LMLN: variants seen among roughly 807,000 people sequenced by gnomAD.
LMLN encodes leishmanolysin-like peptidase.
LMLN carries 70 observed loss-of-function variants against 92.3 expected under a neutral mutation model. That is an observed-to-expected ratio of 0.76 (90% confidence interval 0.63 to 0.92). The LOEUF is 0.92. LMLN is among the 40% of genes least tolerant of loss of function. The probability of loss-of-function intolerance (pLI) is 0.00; values close to 1 mark genes in which losing one functional copy is unlikely to be tolerated. For synonymous variants in LMLN, 308 were observed against 296.2 expected, an observed-to-expected ratio of 1.04 and a Z score of -0.41; for missense variants, 691 against 814.6, an observed-to-expected ratio of 0.85 and a Z score of 1.85.
chr3:198,034,826 T>A (rs1354853946), intron 14 of LMLN, among the ~76,000 whole-genome samples: 1 of 152,190 alleles, frequency 6.6e-6, no homozygotes, highest in Non-Finnish European at 1.5e-5. Flanking sequence ...GAACTTGTGC[T>A]GTGTGGCGTT....
At chr3:198,006,661 C>T (rs1043838297) in intron 11 of LMLN, among the ~76,000 whole-genome samples, 1 of 151,102 alleles carries the variant, frequency 6.6e-6, no homozygotes, top group African/African-American at 2.4e-5. Flanking sequence ...TGTTGAACCT[C>T]TTTTCATGTG....
At chr3:197,990,489 A>C (rs767652766) in intron 8 of LMLN, 70 bp from the exon 9 acceptor site, 3 of 667,248 alleles carry the variant, frequency 4.5e-6, no homozygotes, top group Non-Finnish European at 7.8e-6. Context: ...TTTTACAGTA[A>C]ATGTAAATAT....
chr3:197,976,410 G>T (rs531459990), intron 4 of LMLN, 188 bp from the exon 5 acceptor site: 3 of 522,942 alleles, frequency 5.7e-6, no homozygotes, highest in African/African-American at 3.9e-5. Flanking sequence ...GAAGTATTTG[G>T]GTGTTTAAAA....
intron 1 of LMLN, 134 bp downstream of exon 1, chr3:197,960,574 C>T (rs1720834373): frequency 2.6e-6 from 2 of 777,006 alleles, no homozygotes; most frequent in East Asian, 2.7e-5. Flanking sequence ...CTCTTACAGG[C>T]CTGGGACCCG....
At chr3:198,032,181 G>A (rs899851777) in intron 14 of LMLN, among the ~76,000 whole-genome samples, 1 of 151,892 alleles carries the variant, frequency 6.6e-6, no homozygotes, top group Non-Finnish European at 1.5e-5. Flanking sequence ...CTTGTTGACT[G>A]TGGTCTCCCT....
exon 16 of LMLN, chr3:198,038,761 A>G: frequency 2.2e-6 from 2 of 924,058 alleles, no homozygotes; most frequent in Non-Finnish European, 1.8e-6. Context: ...TGCAGATGGT[A>G]GAAGTGGCAT....
At position 198,019,478 on chromosome 3, in the gene LMLN, T is replaced by C; in HGVS notation, c.1365+93T>C. ...GAGTAAATTCTCTTAAGATTCTTAA[T>C]TTATAAGGCCTTGTTTGTTTTCTGT... On this transcript the variant is annotated intron_variant, in intron 12 of 15. Coordinates refer to ENST00000330198, the Ensembl canonical transcript of LMLN. The surrounding 1 kb of genome is among the most constrained non-coding windows in gnomAD (Gnocchi z 5.5). 4 of 1,239,414 alleles carry C rather than the reference T, an allele frequency of 3.2e-6. No homozygotes were observed. Among genetic ancestry groups the C allele is most frequent in the Non-Finnish European group, 4.4e-6 (4 of 910,330 alleles). 76.8% of individuals were successfully genotyped at this position (1,239,414 alleles called of 1,614,324 possible).
Position 198,002,618 on chromosome 3 carries a change from G to T in LMLN, c.1232+3276G>T, listed in dbSNP as rs781260926. 5.3e-5 allele frequency among the ~76,000 whole-genome samples: 8 copies of T among 152,158 alleles called. 1 individual carries two copies. Among genetic ancestry groups the T allele is most frequent in the Non-Finnish European group, 1.0e-4 (7 of 68,038 alleles). On this transcript the variant is annotated intron_variant, in intron 11 of 15. Transcript: ENST00000330198. ...TCAGACATGGTGGTGCATGCCTGTAGTCCCAGCTAGTTGGGAGGCTGAGGA... is the reference window on the plus strand; with the variant it reads ...TCAGACATGGTGGTGCATGCCTGTATTCCCAGCTAGTTGGGAGGCTGAGGA...
At position 197,990,677 on chromosome 3, in the gene LMLN, G is replaced by GT. The variant is rs778252592; in HGVS notation, c.1047+2dup. The GT allele has an allele frequency of 4.2e-6, 6 of 1,428,882 alleles. No homozygotes were observed. Among genetic ancestry groups the GT allele is most frequent in the Non-Finnish European group, 5.9e-6 (6 of 1,012,058 alleles). The allele number at this position is 1,428,882 out of a possible 1,614,324, so 88.5% of individuals were successfully genotyped here. A position where few individuals can be genotyped will look rare whatever the true frequency, so the allele number is the denominator to read the frequency against. On this transcript the variant is annotated splice_donor_variant, in intron 9 of 15. Transcript: ENST00000330198. LOFTEE classifies it high-confidence loss of function. ...TCTCCTGGTAACGCCTCGTGTTGTT[G>GT]TAAGTATTATCAGACTTCATGTCTC...
chr3:197,985,632 G>T, intron 7 of LMLN, 164 bp from the exon 8 acceptor site: 1 of 435,946 alleles, frequency 2.3e-6, no homozygotes, highest in Non-Finnish European at 4.1e-6. Flanking sequence ...TTATAAATAT[G>T]GAACACTTAA....
chr3:197,989,094 A>G (rs1234092434), intron 8 of LMLN, among the ~76,000 whole-genome samples: 6 of 152,270 alleles, frequency 3.9e-5, no homozygotes, highest in Middle Eastern at 3.4e-3. Flanking sequence ...CATTTTTCCA[A>G]TTAACCCTGT....
rs142223828 is a variant in LMLN, at chr3:197,974,368, T to C, written c.220-9T>C. ...CTTAAACAGTTTTCAAATCCGTTCC[T>C]TTTTTCAGGTCATAAATAAAGTTCA... On this transcript the variant is annotated splice_polypyrimidine_tract_variant and intron_variant, in intron 1 of 15. Coordinates refer to ENST00000330198, the Ensembl canonical transcript of LMLN. The C allele has an allele frequency of 2.0e-6, 3 of 1,495,170 alleles. No homozygotes were observed. Among genetic ancestry groups the C allele is most frequent in the East Asian group, 2.3e-5 (1 of 43,846 alleles). 92.6% of individuals were successfully genotyped at this position (1,495,170 alleles called of 1,614,324 possible).
intron 13 of LMLN, among the ~76,000 whole-genome samples, chr3:198,023,757 C>G (rs1364408603): frequency 1.3e-5 from 2 of 152,184 alleles, no homozygotes; most frequent in African/African-American, 4.8e-5. Flanking sequence ...CATTAGAGGC[C>G]TTTCATTCCT....
At chr3:198,017,195 G>C (rs968244667) in intron 11 of LMLN, among the ~76,000 whole-genome samples, 1 of 152,148 alleles carries the variant, frequency 6.6e-6, no homozygotes, top group Non-Finnish European at 1.5e-5. Context: ...GCTGACCCCT[G>C]TCACAGTCAT....
In LMLN at chr3:198,012,577, C is replaced by T. The variant is rs1021832102; in HGVS notation, c.1233-6676C>T. On this transcript the variant is annotated intron_variant, in intron 11 of 15. Transcript: ENST00000330198. ...CCTAACTAGTCTGACTTCTCTGTAC[C>T]GTTCAGAGCCTCCTAACGAGTCTGA... Among the ~76,000 whole-genome samples the T allele has an allele frequency of 4.9e-4, 75 of 151,898 alleles. 3 individuals are homozygous for T. The highest frequency in any genetic ancestry group is 1.6e-4 in the Non-Finnish European group (11 of 67,952).
At position 198,001,220 on chromosome 3, in the gene LMLN, A is replaced by T. The variant is rs557615621; in HGVS notation, c.1232+1878A>T. ...TTTTGTTTTAGTATCTGTCTTCCCTACTAGATTATGATCTTCATGAGAGCA... is the reference window on the plus strand; with the variant it reads ...TTTTGTTTTAGTATCTGTCTTCCCTTCTAGATTATGATCTTCATGAGAGCA... On this transcript the variant is annotated intron_variant, in intron 11 of 15. Coordinates refer to ENST00000330198, the Ensembl canonical transcript of LMLN. Among the ~76,000 whole-genome samples, 10 of 152,328 alleles carry T rather than the reference A, an allele frequency of 6.6e-5. No homozygotes were observed. In the South Asian group the frequency reaches 2.1e-3, roughly 32 times the overall value.
At chr3:198,038,186 G>A (rs1032295661) in intron 15 of LMLN, 5 of 202,518 alleles carry the variant, frequency 2.5e-5, no homozygotes, top group South Asian at 1.8e-4. Flanking sequence ...TTCTCAAAAT[G>A]TACTAGTTTG....
At chr3:197,960,330 G>A (rs933544952) in exon 1 of LMLN, 1 of 1,613,938 alleles carries the variant, frequency 6.2e-7, no homozygotes, top group African/African-American at 1.3e-5. Context: ...GTCTGTGTGG[G>A]TCCGAAGCGT....
chr3:197,976,506 A>C, intron 4 of LMLN, 92 bp from the exon 5 acceptor site: 1 of 632,790 alleles, frequency 1.6e-6, no homozygotes. Context: ...TAATGAAGTA[A>C]TATAGCAGCT....
Sources: allele counts gnomAD v4.1 joint callset (sites outside exome capture counted in the v4.1 genomes callset), GRCh38; gene constraint gnomAD v4.1.1; non-coding constraint Gnocchi (gnomAD v3.1); transcripts MANE v1.5; gene names NCBI Gene and HGNC (gene_info 2026-07-23, HGNC 2026-07-21).